RGS7: variants seen among roughly 807,000 people sequenced by gnomAD.
RGS7 encodes regulator of G protein signaling 7.
Under a neutral mutation model 81.1 loss-of-function variants are expected in RGS7, and 27 were observed. The observed-to-expected ratio is 0.33, with a 90% CI of 0.25 to 0.46. The LOEUF (loss-of-function observed/expected upper bound fraction) is 0.46. Ranked by LOEUF, RGS7 falls within the 20% of genes least tolerant of loss-of-function variation. The pLI is 1.00. For missense variants in RGS7, 396 were observed against 607.4 expected, an observed-to-expected ratio of 0.65 and a Z score of 3.66; for synonymous variants, 208 against 207.7, an observed-to-expected ratio of 1.00 and a Z score of -0.01.
chr1:240,886,223 T>G (rs1209859772), intron 6 of RGS7, among the ~76,000 whole-genome samples: 1 of 152,172 alleles, frequency 6.6e-6, no homozygotes, highest in African/African-American at 2.4e-5. Context: ...GTCTCTTATT[T>G]AAACATATCA....
At chr1:241,049,255 C>A (rs142497893) in intron 3 of RGS7, among the ~76,000 whole-genome samples, 2 of 152,194 alleles carry the variant, frequency 1.3e-5, no homozygotes, top group South Asian at 4.1e-4. Context: ...TGTGTTAGTG[C>A]AAACCTGGTT....
intron 3 of RGS7, chr1:240,998,703 A>C (rs947051872): frequency 1.8e-6 from 2 of 1,139,460 alleles, no homozygotes; most frequent in Non-Finnish European, 2.6e-6. Context: ...TGCTTTAATG[A>C]GGGCATTGAT....
intron 9 of RGS7, among the ~76,000 whole-genome samples, chr1:240,846,573 C>G (rs1006934975): frequency 1.2e-4 from 19 of 152,164 alleles, no homozygotes; most frequent in African/African-American, 4.1e-4. Context: ...TTTCCACCAC[C>G]CTTTCCAAAT....
intron 6 of RGS7, among the ~76,000 whole-genome samples, chr1:240,897,293 C>T (rs1046597699): frequency 6.6e-6 from 1 of 152,152 alleles, no homozygotes; most frequent in Non-Finnish European, 1.5e-5. Flanking sequence ...TGCCTGAGTG[C>T]CCTAGCCAGA....
intron 18 of RGS7, among the ~76,000 whole-genome samples, chr1:240,790,239 AAAAACAAAAC>A (rs547510902): frequency 4.6e-5 from 7 of 152,202 alleles, no homozygotes; most frequent in African/African-American, 9.7e-5. Flanking sequence ...CTCAAAAAAC[AAAAACAAAAC>A]AAAACAAAAC....
intron 18 of RGS7, among the ~76,000 whole-genome samples, chr1:240,798,410 A>G (rs1687434704): frequency 1.3e-5 from 2 of 152,208 alleles, no homozygotes; most frequent in Non-Finnish European, 2.9e-5. Context: ...AGGCTGGAAC[A>G]TGTAAATCAA....
intron 3 of RGS7, among the ~76,000 whole-genome samples, chr1:241,074,218 T>G (rs375930334): frequency 2.0e-5 from 3 of 152,242 alleles, no homozygotes; most frequent in African/African-American, 7.2e-5. Context: ...TTGTTTTAAT[T>G]TTAAGAGGAA....
chr1:240,794,186 T>A (rs1480565603), intron 18 of RGS7, among the ~76,000 whole-genome samples: 1 of 152,092 alleles, frequency 6.6e-6, no homozygotes, highest in Admixed American at 6.5e-5. Context: ...GCTCTTACCA[T>A]GCCTACAACT....
At chr1:240,857,785 G>C (rs374258231) in intron 9 of RGS7, among the ~76,000 whole-genome samples, 17 of 152,236 alleles carry the variant, frequency 1.1e-4, no homozygotes, top group Admixed American at 5.2e-4. Flanking sequence ...CTGAATTGTA[G>C]TTCCCGTAAT....
chr1:240,972,876 A>T (rs1333748153), intron 4 of RGS7, among the ~76,000 whole-genome samples: 1 of 151,240 alleles, frequency 6.6e-6, no homozygotes, highest in African/African-American at 2.4e-5. Context: ...AAAAATTAAA[A>T]TCAACTAACT....
At chr1:241,060,579 C>G (rs554216957) in intron 3 of RGS7, among the ~76,000 whole-genome samples, 2 of 152,140 alleles carry the variant, frequency 1.3e-5, no homozygotes, top group Non-Finnish European at 2.9e-5. Context: ...GACTTGGAAG[C>G]AACTGACTTC....
chr1:241,198,630 C>CTT (rs57121210), intron 2 of RGS7, among the ~76,000 whole-genome samples: 35,233 of 151,858 alleles, frequency 0.23, 6,182 homozygotes, highest in African/African-American at 0.49. Flanking sequence ...CACAAGAAAA[C>CTT]GTATCATTTC....
At chr1:240,823,263 A>G in intron 10 of RGS7, 1 of 657,774 alleles carries the variant, frequency 1.5e-6, no homozygotes, top group Non-Finnish European at 2.8e-6. Context: ...CCTAAAGGCC[A>G]TCTCCACTTC....
intron 9 of RGS7, among the ~76,000 whole-genome samples, chr1:240,837,683 T>G (rs1694940215): frequency 6.6e-6 from 1 of 152,148 alleles, no homozygotes; most frequent in African/African-American, 2.4e-5. Flanking sequence ...ACAACATAAA[T>G]TTCCCCAATG....
intron 2 of RGS7, among the ~76,000 whole-genome samples, chr1:241,240,161 T>C (rs2148131850): frequency 6.6e-6 from 1 of 152,190 alleles, no homozygotes; most frequent in African/African-American, 2.4e-5. Context: ...AAGAGAACAC[T>C]GAAACCAAAG....
intron 10 of RGS7, among the ~76,000 whole-genome samples, chr1:240,817,307 A>G (rs969788155): frequency 3.3e-5 from 5 of 152,228 alleles, no homozygotes; most frequent in African/African-American, 9.6e-5. Flanking sequence ...GATATGAGCA[A>G]GAAGGATGAG....
chr1:240,950,676 A>T (rs1679406703), intron 4 of RGS7, among the ~76,000 whole-genome samples: 1 of 152,208 alleles, frequency 6.6e-6, no homozygotes, highest in Non-Finnish European at 1.5e-5. Context: ...CCTATAGGCT[A>T]TGGTATAATA....
intron 2 of RGS7, among the ~76,000 whole-genome samples, chr1:241,158,943 G>A (rs1195644643): frequency 3.9e-5 from 6 of 151,980 alleles, no homozygotes; most frequent in Non-Finnish European, 7.4e-5. Flanking sequence ...CCATGAAACC[G>A]TCTATCTGTC....
chr1:241,107,892 T>C (rs762178884), intron 2 of RGS7, among the ~76,000 whole-genome samples: 2 of 152,142 alleles, frequency 1.3e-5, no homozygotes, highest in African/African-American at 2.4e-5. Flanking sequence ...TATCACCTTA[T>C]TCAATATAAA....
Sources: gnomAD v4.1 joint callset for allele counts (sites outside exome capture counted in the v4.1 genomes callset) on GRCh38, gnomAD v4.1.1 for gene constraint, MANE v1.5 for transcripts, NCBI Gene and HGNC (gene_info 2026-07-23, HGNC 2026-07-21) for gene names.